CFDP1: variants seen among roughly 807,000 people sequenced by gnomAD.
The protein encoded by CFDP1 is chromatin remodeling protein CFDP1.
A neutral mutation model predicts 40.1 loss-of-function variants in CFDP1; 31 were observed. The ratio of observed to expected loss-of-function variants is 0.77; its 90% CI spans 0.58 to 1.04. The LOEUF is 1.04. Among genes scored for constraint, CFDP1 ranks in the 50% least tolerant of loss-of-function variants. CFDP1 has a pLI of 0.00. For synonymous variants in CFDP1, 167 were observed against 120.0 expected (o/e 1.39, Z -2.56); for missense variants, 423 against 343.4 (o/e 1.23, Z -1.83).
In CFDP1 at chr16:75,395,164, G is replaced by T; in HGVS notation, c.576C>A (p.Phe192Leu). The change falls in exon 5 of 7, where the codon TTC (phenylalanine) becomes TTA (leucine). Residue 192 changes from phenylalanine to leucine, a missense_variant. Physicochemically the swap from Phe to Leu is conservative, Grantham distance 22. Transcript: ENST00000283882. ...GTTTTTCTTTCTCATTCTGCTTGAA[G>T]AAGGATTTGGCCTCTTTAGATGTAG... is the stretch of plus-strand genomic sequence containing the variant. Reference protein sequence around the residue: ...VDATSKEAKSFFKQNEKEKPQ... With the variant: ...VDATSKEAKSLFKQNEKEKPQ... 6.2e-7 allele frequency: 1 copy of T among 1,613,778 alleles called. No homozygotes were observed. Among genetic ancestry groups the T allele is most frequent in the Non-Finnish European group, 8.5e-7 (1 of 1,179,820 alleles).
chr16:75,387,778 G>A (rs537891408), intron 5 of CFDP1, among the ~76,000 whole-genome samples: 68 of 152,310 alleles, frequency 4.5e-4, no homozygotes, highest in African/African-American at 1.6e-3. Flanking sequence ...CAGCTTCACT[G>A]TTGCTGCTGA....
chr16:75,387,176 T>C (rs1234400724), intron 5 of CFDP1, among the ~76,000 whole-genome samples: 1 of 151,322 alleles, frequency 6.6e-6, no homozygotes, highest in African/African-American at 2.4e-5. Context: ...GTCTCGCTCT[T>C]GTTGCCCAGG....
chr16:75,394,189 G>A (rs1358534626), intron 5 of CFDP1, among the ~76,000 whole-genome samples: 1 of 152,218 alleles, frequency 6.6e-6, no homozygotes. Flanking sequence ...ACTCCCCACA[G>A]GAGTCAGGTG....
At chr16:75,374,195 A>G (rs542997787) in intron 5 of CFDP1, among the ~76,000 whole-genome samples, 2 of 152,166 alleles carry the variant, frequency 1.3e-5, no homozygotes, top group South Asian at 4.2e-4. Context: ...GGAGGTTGCA[A>G]TGAACCGAGA....
chr16:75,345,766 CAGTT>C (rs1359463559), intron 5 of CFDP1, among the ~76,000 whole-genome samples: 13 of 152,144 alleles, frequency 8.5e-5, no homozygotes, highest in African/African-American at 2.9e-4. Context: ...TTACTGTGAT[CAGTT>C]AGACCACCAT....
At chr16:75,423,104 C>A (rs2079298251) in intron 1 of CFDP1, among the ~76,000 whole-genome samples, 1 of 151,858 alleles carries the variant, frequency 6.6e-6, no homozygotes, top group Admixed American at 6.6e-5. Context: ...CACGGTGAAA[C>A]CCCATCTCTA....
intron 5 of CFDP1, among the ~76,000 whole-genome samples, chr16:75,321,389 T>C (rs995353101): frequency 5.9e-5 from 9 of 152,140 alleles, no homozygotes; most frequent in East Asian, 1.9e-4. Flanking sequence ...TTTTAGAAAA[T>C]TGCCACTCCT....
Position 75,363,942 on chromosome 16 carries a change from AAC to A in CFDP1, c.650+31146_650+31147del, listed in dbSNP as rs10635711. Among the ~76,000 whole-genome samples, 1,031 of 142,888 alleles carry A rather than the reference AAC, an allele frequency of 7.2e-3. 6 individuals are homozygous for A. Among genetic ancestry groups the A allele is most frequent in the Middle Eastern group, 0.021 (6 of 288 alleles). The allele number at this position is 142,888 out of a possible 152,430, so 93.7% of individuals were successfully genotyped here. On this transcript the variant is annotated intron_variant, in intron 5 of 6. Coordinates refer to ENST00000283882, the MANE Select transcript of CFDP1 (RefSeq NM_006324.3). ...GTCTAGTGGGGGAGAAAAGAGGTGA[AAC>A]ACACACACACACACACACACACACA... is the stretch of plus-strand genomic sequence containing the variant.
intron 5 of CFDP1, among the ~76,000 whole-genome samples, chr16:75,308,262 T>C (rs2078271539): frequency 6.6e-6 from 1 of 152,146 alleles, no homozygotes; most frequent in Non-Finnish European, 1.5e-5. Flanking sequence ...TTCTCAGAAG[T>C]TCTGGTGGCA....
intron 5 of CFDP1, among the ~76,000 whole-genome samples, chr16:75,328,611 A>AG (rs1251681372): frequency 1.3e-5 from 2 of 149,830 alleles, no homozygotes; most frequent in Admixed American, 1.3e-4. Flanking sequence ...AAAAAAAAAA[A>AG]AAAAAAAAAA....
chr16:75,387,272 C>T (rs2078906395), intron 5 of CFDP1, among the ~76,000 whole-genome samples: 1 of 152,048 alleles, frequency 6.6e-6, no homozygotes, highest in South Asian at 2.1e-4. Flanking sequence ...TCCGCAGTAC[C>T]TGGGACTACA....
chr16:75,357,898 T>C (rs573836156), intron 5 of CFDP1, among the ~76,000 whole-genome samples: 39 of 152,328 alleles, frequency 2.6e-4, no homozygotes, highest in Middle Eastern at 3.4e-3. Context: ...TTTCAACATC[T>C]TTTCTTACTA....
rs552595423 is a variant in CFDP1, at chr16:75,353,533, G to A, written c.650+41557C>T. Among the ~76,000 whole-genome samples, 17 of 151,902 alleles carry A rather than the reference G, an allele frequency of 1.1e-4. No homozygotes were observed. In the East Asian group the frequency reaches 1.9e-3, roughly 17 times the overall value. On this transcript the variant is annotated intron_variant, in intron 5 of 6. Transcript: ENST00000283882. ...ATCCAGCACTTTGGGAGGCCGAGGC[G>A]GGCAGATCACAAGGTCAGGAGATCG...
intron 5 of CFDP1, chr16:75,363,157 T>C (rs537331746): frequency 2.6e-5 from 4 of 151,684 alleles, no homozygotes; most frequent in African/African-American, 7.3e-5. Flanking sequence ...AAATCCAACA[T>C]GGTCTTTAAA....
At chr16:75,352,602 T>G (rs919200803) in intron 5 of CFDP1, among the ~76,000 whole-genome samples, 7 of 152,164 alleles carry the variant, frequency 4.6e-5, no homozygotes, top group Non-Finnish European at 1.0e-4. Context: ...ACAGGGACGT[T>G]TATGTCTTCC....
At chr16:75,386,447 G>A (rs943716894) in intron 5 of CFDP1, among the ~76,000 whole-genome samples, 17 of 152,168 alleles carry the variant, frequency 1.1e-4, no homozygotes, top group South Asian at 2.1e-4. Context: ...CTTTTTGGCC[G>A]GGCACAGTGG....
chr16:75,373,784 A>G (rs72787129), intron 5 of CFDP1, among the ~76,000 whole-genome samples: 11,626 of 152,196 alleles, frequency 0.076, 460 homozygotes, highest in Middle Eastern at 0.12. Context: ...GGAAGCCTTG[A>G]CTTCCTCTAC....
chr16:75,417,198 C>A (rs2079216825), intron 1 of CFDP1, among the ~76,000 whole-genome samples: 3 of 152,052 alleles, frequency 2.0e-5, no homozygotes, highest in African/African-American at 7.2e-5. Context: ...AATACCACCC[C>A]AAAATACAAA....
At chr16:75,320,701 A>T (rs1244609785) in intron 5 of CFDP1, among the ~76,000 whole-genome samples, 2 of 152,192 alleles carry the variant, frequency 1.3e-5, no homozygotes, top group East Asian at 3.9e-4. Context: ...CTCTGCAAGG[A>T]TTGCATGAGT....
Sources: gnomAD v4.1 joint callset for allele counts (sites outside exome capture counted in the v4.1 genomes callset) on GRCh38, gnomAD v4.1.1 for gene constraint, MANE v1.5 for transcripts, NCBI Gene and HGNC (gene_info 2026-07-23, HGNC 2026-07-21) for gene names.